CTTNBP2NL: variants seen among roughly 807,000 people sequenced by gnomAD.
CTTNBP2NL encodes the protein CTTNBP2 N-terminal-like protein.
A neutral mutation model predicts 32.5 loss-of-function variants in CTTNBP2NL; 16 were observed. The observed-to-expected ratio is 0.49, with a 90% CI of 0.33 to 0.75. The LOEUF is 0.75. CTTNBP2NL is among the 30% of genes least tolerant of loss of function. The pLI is 0.02. For missense variants in CTTNBP2NL, 645 were observed against 756.0 expected, an observed-to-expected ratio of 0.85 and a Z score of 1.72; for synonymous variants, 298 against 289.4, an observed-to-expected ratio of 1.03 and a Z score of -0.30.
intron 3 of CTTNBP2NL, among the ~76,000 whole-genome samples, chr1:112,433,641 C>G (rs1649640151): frequency 1.3e-5 from 2 of 152,220 alleles, no homozygotes; most frequent in African/African-American, 4.8e-5. Flanking sequence ...TCCTCAGTTT[C>G]TCCTCCCATT....
chr1:112,432,066 ATTT>A (rs11440212), intron 3 of CTTNBP2NL, among the ~76,000 whole-genome samples: 1 of 91,044 alleles, frequency 1.1e-5, no homozygotes, highest in African/African-American at 4.5e-5. Flanking sequence ...ATATATTTTG[ATTT>A]TTTTTTTTTT....
intron 3 of CTTNBP2NL, among the ~76,000 whole-genome samples, chr1:112,432,056 A>G (rs535990199): frequency 1.4e-4 from 20 of 147,302 alleles, no homozygotes; most frequent in Non-Finnish European, 2.8e-4. Flanking sequence ...AGCTTTATCT[A>G]TATATTTTGA....
At chr1:112,397,693 A>G (rs1233742766) in intron 1 of CTTNBP2NL, among the ~76,000 whole-genome samples, 1 of 152,138 alleles carries the variant, frequency 6.6e-6, no homozygotes. Flanking sequence ...GTAATCATCT[A>G]TTGCTAGCGC....
intron 4 of CTTNBP2NL, among the ~76,000 whole-genome samples, chr1:112,452,782 C>T (rs1650262125): frequency 6.6e-6 from 1 of 150,638 alleles, no homozygotes; most frequent in South Asian, 2.1e-4. Context: ...GCTGGGACTA[C>T]ATGCACACCT....
upstream of CTTNBP2NL, among the ~76,000 whole-genome samples, chr1:112,395,814 T>C (rs2100985420): frequency 6.6e-6 from 1 of 152,266 alleles, no homozygotes; most frequent in Middle Eastern, 3.5e-3. Flanking sequence ...ACTTCATTTA[T>C]TAACATTCTG....
chr1:112,443,146 G>T (rs2101025790), intron 3 of CTTNBP2NL, among the ~76,000 whole-genome samples: 1 of 152,246 alleles, frequency 6.6e-6, no homozygotes. Context: ...GTAAATAATT[G>T]CTTTTATAAA....
At chr1:112,424,754 C>T (rs1426513666) in intron 3 of CTTNBP2NL, among the ~76,000 whole-genome samples, 1 of 152,080 alleles carries the variant, frequency 6.6e-6, no homozygotes. Context: ...CAGATTTACC[C>T]TAAGTGTTTC....
At chr1:112,444,869 C>T (rs1649990216) in intron 3 of CTTNBP2NL, among the ~76,000 whole-genome samples, 1 of 152,150 alleles carries the variant, frequency 6.6e-6, no homozygotes, top group Non-Finnish European at 1.5e-5. Context: ...CAAGATGGCT[C>T]CCAGTGATCT....
In CTTNBP2NL at chr1:112,459,150, T is replaced by G. The variant is rs1026811674; in HGVS notation, c.*1738T>G. On this transcript the variant is annotated 3_prime_UTR_variant, in exon 6 of 6. Coordinates refer to ENST00000271277, the MANE Select transcript of CTTNBP2NL (RefSeq NM_018704.3). ...AACACGTCTGCAGCTGGATTTAGCT[T>G]GCAAGCTGCCAAGTTGCAACCTCTT... 5 of 152,248 alleles carry G rather than the reference T, an allele frequency of 3.3e-5. No individual in the cohort carries two copies. The highest frequency in any genetic ancestry group is 4.8e-5 in the African/African-American group (2 of 41,466). The allele number at this position is 152,248 out of a possible 1,614,324, so 9.4% of individuals were successfully genotyped here. A position where few individuals can be genotyped will look rare whatever the true frequency, so the allele number is the denominator to read the frequency against.
At chr1:112,420,781 T>C (rs545726426) in intron 3 of CTTNBP2NL, among the ~76,000 whole-genome samples, 1 of 152,270 alleles carries the variant, frequency 6.6e-6, no homozygotes, top group South Asian at 2.1e-4. Context: ...CTGCTCTCTC[T>C]GAGTAAAGTT....
In CTTNBP2NL at chr1:112,456,337, A is replaced by T; in HGVS notation, c.845A>T (p.Gln282Leu). ...GTGAAGGACCTAGAGGCTTCCCACC[A>T]GCACAGTAGCCCTAATGAGCAATTG... ...KIVKDLEASH[Q>L]HSSPNEQLKK... is the part of the protein sequence containing the mutation. Residue 282 changes from glutamine (Q) to leucine (L), a missense_variant, in exon 6 of 6, where the codon CAG becomes CTG. Gln to Leu is a moderately radical substitution (Grantham distance 113). Coordinates refer to ENST00000271277, the MANE Select transcript of CTTNBP2NL (RefSeq NM_018704.3). The T allele has an allele frequency of 6.2e-7, 1 of 1,614,072 alleles. No homozygotes were observed. Among genetic ancestry groups the T allele is most frequent in the Non-Finnish European group, 8.5e-7 (1 of 1,180,036 alleles).
chr1:112,430,797 A>T (rs1422584183), intron 3 of CTTNBP2NL, among the ~76,000 whole-genome samples: 1 of 151,194 alleles, frequency 6.6e-6, no homozygotes, highest in East Asian at 2.0e-4. Flanking sequence ...GTTGGCCAGG[A>T]TTATCTCCAT....
intron 1 of CTTNBP2NL, chr1:112,396,522 T>G (rs887505428): frequency 6.6e-6 from 1 of 152,344 alleles, no homozygotes; most frequent in East Asian, 1.9e-4. Flanking sequence ...GGCTTCCCTC[T>G]GACACCCCTC....
rs189667949 is a variant in CTTNBP2NL at position 112,424,734 on chromosome 1, T to C, written c.99+8470T>C. On this transcript the variant is annotated intron_variant, in intron 3 of 5. Transcript: ENST00000271277. ...GCTTTTAGTGTATAGCTTTTTCACA[T>C]TTTTTTTGTCAGATTTACCCTAAGT... Among the ~76,000 whole-genome samples the C allele has an allele frequency of 1.1e-4, 16 of 151,982 alleles. No homozygotes were observed. In the East Asian group the frequency reaches 3.1e-3, roughly 29 times the overall value.
intron 1 of CTTNBP2NL, among the ~76,000 whole-genome samples, chr1:112,409,812 C>T (rs1648799481): frequency 6.6e-6 from 1 of 152,158 alleles, no homozygotes; most frequent in African/African-American, 2.4e-5. Context: ...ATAAGTGGAG[C>T]TCGGATAGTA....
At chr1:112,432,879 G>C (rs1052393532) in intron 3 of CTTNBP2NL, among the ~76,000 whole-genome samples, 2 of 150,036 alleles carry the variant, frequency 1.3e-5, no homozygotes, top group Admixed American at 1.3e-4. Context: ...TTTGCCTTTT[G>C]TTTCTACTAC....
chr1:112,411,345 C>T (rs1431265874), intron 1 of CTTNBP2NL, among the ~76,000 whole-genome samples: 1 of 151,988 alleles, frequency 6.6e-6, no homozygotes, highest in Non-Finnish European at 1.5e-5. Context: ...AAATTTAAAG[C>T]CTATCATTTT....
At chr1:112,420,083 C>T (rs558689867) in intron 3 of CTTNBP2NL, among the ~76,000 whole-genome samples, 4 of 151,392 alleles carry the variant, frequency 2.6e-5, no homozygotes, top group South Asian at 2.1e-4. Context: ...TATTATAAAA[C>T]GTTAATGAAT....
chr1:112,413,962 C>T (rs923351881), intron 2 of CTTNBP2NL, among the ~76,000 whole-genome samples: 3 of 152,032 alleles, frequency 2.0e-5, no homozygotes, highest in South Asian at 2.1e-4. Flanking sequence ...GCAGGAGAAT[C>T]GCTGGAACCC....
Sources: gnomAD v4.1 joint callset for allele counts (sites outside exome capture counted in the v4.1 genomes callset) on GRCh38, gnomAD v4.1.1 for gene constraint, MANE v1.5 for transcripts, NCBI Gene and HGNC (gene_info 2026-07-23, HGNC 2026-07-21) for gene names.